Variants in DGKH observed in about 807,000 individuals in gnomAD.
DGKH encodes the protein DAG kinase eta.
In DGKH, 90 loss-of-function variants were observed where a neutral mutation model predicts 159.3. The observed-to-expected ratio is 0.57, with a 90% CI of 0.48 to 0.67. The LOEUF (loss-of-function observed/expected upper bound fraction) is 0.67, where lower values mean the gene tolerates loss of function less well. Ranked by LOEUF, DGKH falls within the 30% of genes least tolerant of loss-of-function variation. The pLI is 0.00. For synonymous variants in DGKH, 536 were observed against 553.8 expected (o/e 0.97, Z 0.45); for missense variants, 1,181 against 1,506.1 (o/e 0.78, Z 3.57).
intron 3 of DGKH, chr13:42,140,500 C>T (rs968937860): frequency 6.6e-6 from 1 of 152,200 alleles, no homozygotes; most frequent in Non-Finnish European, 1.5e-5. Context: ...CTTCTAAAAC[C>T]TGTCTCTTCT....
At chr13:42,253,581 C>T (rs1445644219) in intron 30 of DGKH, among the ~76,000 whole-genome samples, 3 of 152,178 alleles carry the variant, frequency 2.0e-5, no homozygotes, top group Non-Finnish European at 4.4e-5. Flanking sequence ...GGTGTTTTAG[C>T]TTAGCGGGGA....
chr13:42,123,380 C>A (rs1955111236), intron 1 of DGKH, among the ~76,000 whole-genome samples: 1 of 152,072 alleles, frequency 6.6e-6, no homozygotes, highest in African/African-American at 2.4e-5. Context: ...GATTAATAGT[C>A]ATGCATGTGC....
chr13:42,144,834 G>T (rs1397978209), intron 3 of DGKH, among the ~76,000 whole-genome samples: 2 of 152,122 alleles, frequency 1.3e-5, no homozygotes, highest in Non-Finnish European at 2.9e-5. Flanking sequence ...GGTTCCATTA[G>T]ACAGTAAAAT....
chr13:42,135,362 C>CGT lies in DGKH; in HGVS notation c.384+5732_384+5733dup, dbSNP rs1555264231. On this transcript the variant is annotated intron_variant, in intron 3 of 29. Coordinates refer to ENST00000337343, the MANE Select transcript of DGKH (RefSeq NM_178009.5). ...AAAAATGAAAAAATTAACTGAGCAT[C>CGT]GTGGTGCATGCCTGTAGTCAAAGCT... Among the ~76,000 whole-genome samples the CGT allele has an allele frequency of 1.7e-3, 262 of 151,034 alleles. 3 individuals carry two copies. The highest frequency in any genetic ancestry group is 5.5e-3 in the African/African-American group (227 of 41,204).
chr13:42,155,462 T>C, intron 4 of DGKH, 67 bp downstream of exon 4: 1 of 1,518,246 alleles, frequency 6.6e-7, no homozygotes, highest in Non-Finnish European at 9.1e-7. Context: ...GGGCTAGAGC[T>C]CTACCGTGCA....
chr13:42,127,696 A>G, intron 2 of DGKH, 123 bp downstream of exon 2: 2 of 706,350 alleles, frequency 2.8e-6, no homozygotes, highest in Non-Finnish European at 4.9e-6. Context: ...TGAATTCAAT[A>G]TAAATGTGAT....
intron 11 of DGKH, among the ~76,000 whole-genome samples, chr13:42,173,644 G>A (rs1180100893): frequency 6.6e-6 from 1 of 152,170 alleles, no homozygotes; most frequent in East Asian, 1.9e-4. Context: ...TTTGGGTTAT[G>A]ACTCATTAGT....
At chr13:42,097,909 A>G (rs1182611812) in intron 1 of DGKH, among the ~76,000 whole-genome samples, 1 of 152,116 alleles carries the variant, frequency 6.6e-6, no homozygotes, top group African/African-American at 2.4e-5. Context: ...AGTTTTTGAG[A>G]CATTTGAGGA....
chr13:42,161,375 G>A (rs1315483733), intron 7 of DGKH, among the ~76,000 whole-genome samples: 6 of 152,236 alleles, frequency 3.9e-5, no homozygotes, highest in Admixed American at 1.3e-4. Flanking sequence ...ACGGCCGGGC[G>A]CGGTGGCTCA....
At chr13:42,043,865 A>C (rs1313658264), upstream of DGKH, 1 of 150,544 alleles carries the variant, frequency 6.6e-6, no homozygotes, top group African/African-American at 2.4e-5. Context: ...GCAGTGTCTC[A>C]CTGTGTCACC....
In DGKH at chr13:42,194,931, T is replaced by C; in HGVS notation, c.2082T>C (p.His694=). The change falls in exon 17 of 30, where the codon CAT becomes CAC. Residue 694 remains histidine (H), a synonymous_variant. Transcript: ENST00000337343. ...RSPDARASYG[H]SQTDSVPGPA... ...CAGATGCCCGGGCAAGTTATGGCCA[T>C]TCCCAAACTGATTCTGTCCCTGGTC... 6.2e-7 allele frequency: 1 copy of C among 1,613,650 alleles called. No individual in the cohort carries two copies. Among genetic ancestry groups the C allele is most frequent in the Middle Eastern group, 1.7e-4 (1 of 6,058 alleles).
intron 3 of DGKH, among the ~76,000 whole-genome samples, chr13:42,148,091 C>T (rs1018733366): frequency 2.0e-5 from 3 of 152,282 alleles, no homozygotes; most frequent in African/African-American, 7.2e-5. Flanking sequence ...AATTCTTTGC[C>T]AATCCTTCAT....
rs1566192579 is a variant in DGKH at position 42,207,128 on chromosome 13, TC to T, written c.2601+984del. Reference sequence around the variant, plus strand: ...TTCTTTCTTTCTCTTTCTCTCTCCTTCCTTCCTTCCTTCCTTCCTTCCTTCC... The same window carrying T: ...TTCTTTCTTTCTCTTTCTCTCTCCTTCTTCCTTCCTTCCTTCCTTCCTTCC... On this transcript the variant is annotated intron_variant, in intron 21 of 29. Coordinates refer to ENST00000337343, the MANE Select transcript of DGKH (RefSeq NM_178009.5). Among the ~76,000 whole-genome samples, 27 of 21,464 alleles carry T rather than the reference TC, an allele frequency of 1.3e-3. 1 individual carries two copies. Among genetic ancestry groups the T allele is most frequent in the Non-Finnish European group, 2.4e-3 (22 of 9,090 alleles). The allele number at this position is 21,464 out of a possible 152,430, so 14.1% of individuals were successfully genotyped here.
intron 20 of DGKH, among the ~76,000 whole-genome samples, chr13:42,204,069 C>T (rs1957405084): frequency 6.6e-6 from 1 of 152,162 alleles, no homozygotes; most frequent in Admixed American, 6.5e-5. Flanking sequence ...CAGCACCGCA[C>T]ATAGGACTTC....
intron 1 of DGKH, among the ~76,000 whole-genome samples, chr13:42,085,591 A>G (rs933610518): frequency 3.3e-5 from 5 of 152,216 alleles, no homozygotes. Flanking sequence ...GAGTAAGCCT[A>G]TTATGTGGAT....
chr13:42,123,488 T>C (rs1230504830), intron 1 of DGKH, among the ~76,000 whole-genome samples: 1 of 151,908 alleles, frequency 6.6e-6, no homozygotes, highest in East Asian at 1.9e-4. Flanking sequence ...AATTGATAAA[T>C]AGGACTTCAT....
downstream of DGKH, among the ~76,000 whole-genome samples, chr13:42,246,810 G>C (rs1958584242): frequency 6.6e-6 from 1 of 152,154 alleles, no homozygotes; most frequent in Non-Finnish European, 1.5e-5. Context: ...AAAGTGATCT[G>C]AGATCTCGTT....
At position 42,204,349 on chromosome 13, in the gene DGKH, A is replaced by C. The variant is rs116259648; in HGVS notation, c.2494-1690A>C. Among the ~76,000 whole-genome samples, 372 of 152,346 alleles carry C rather than the reference A, an allele frequency of 2.4e-3. 2 individuals carry two copies. Among genetic ancestry groups the C allele is most frequent in the African/African-American group, 8.7e-3 (362 of 41,586 alleles). On this transcript the variant is annotated intron_variant, in intron 20 of 29. Transcript: ENST00000337343. The stretch of plus-strand genomic sequence containing the variant: ...ATTGAGCACCAATTATGTGCCAGAC[A>C]AACCCCCAGGTGCATGGACCTTTGA...
At position 42,206,068 on chromosome 13, in the gene DGKH, C is replaced by T; in HGVS notation, c.2523C>T (p.Ser841=). The change falls in exon 21 of 30, where the codon AGC becomes AGT. Residue 841 remains serine, a synonymous_variant. Coordinates refer to ENST00000337343, the MANE Select transcript of DGKH (RefSeq NM_178009.5). ...ATGGGCAGTATATTCCTCTTCCCAG[C>T]TTGCAAGGCATAGCCGTGTTGAACA... ...ECDGQYIPLP[S]LQGIAVLNIP... The T allele has an allele frequency of 7.0e-7, 1 of 1,425,926 alleles. No homozygotes were observed. The highest frequency in any genetic ancestry group is 9.2e-7 in the Non-Finnish European group (1 of 1,083,092). The allele number at this position is 1,425,926 out of a possible 1,614,324, so 88.3% of individuals were successfully genotyped here.
Sources: gnomAD v4.1 joint callset for allele counts (sites outside exome capture counted in the v4.1 genomes callset) on GRCh38, gnomAD v4.1.1 for gene constraint, MANE v1.5 for transcripts, NCBI Gene and HGNC (gene_info 2026-07-23, HGNC 2026-07-21) for gene names.